Variants in KCNQ2 observed in about 807,000 individuals in gnomAD.
KCNQ2 encodes the protein potassium voltage-gated channel subfamily Q member 2.
In KCNQ2, 14 loss-of-function variants were observed where a neutral mutation model predicts 84.8. That is an observed-to-expected ratio of 0.17 (90% CI 0.11 to 0.26). The LOEUF is 0.26. Ranked by LOEUF, KCNQ2 falls within the 10% of genes least tolerant of loss-of-function variation. The pLI is 1.00. For synonymous variants in KCNQ2, 599 were observed against 554.1 expected (o/e 1.08, Z -1.14); for missense variants, 788 against 1,254.0 (o/e 0.63, Z 5.61).
In KCNQ2 at chr20:63,414,310, G is replaced by T; in HGVS notation, c.1526-117C>A. On this transcript the variant is annotated intron_variant, in intron 13 of 16. Coordinates refer to ENST00000359125, the MANE Select transcript of KCNQ2 (RefSeq NM_172107.4). This position sits in a 1 kb window ranked among gnomAD's most constrained non-coding sequence, Gnocchi z 6.6. ...AGGGAGCCCCTCGAGGCTCCCTGTG[G>T]TGCCCCTCGGGTGCACCTGCTTTTC... 2 of 739,216 alleles carry T rather than the reference G, an allele frequency of 2.7e-6. No individual in the cohort carries two copies. The highest frequency in any genetic ancestry group is 2.4e-6 in the Non-Finnish European group (1 of 421,568). The allele number at this position is 739,216 out of a possible 1,614,324, so 45.8% of individuals were successfully genotyped here. A position where few individuals can be genotyped will look rare whatever the true frequency, so the allele number is the denominator to read the frequency against.
At chr20:63,470,568 C>G (rs1236709871) in intron 1 of KCNQ2, among the ~76,000 whole-genome samples, 3 of 152,232 alleles carry the variant, frequency 2.0e-5, no homozygotes, top group East Asian at 3.9e-4. Flanking sequence ...CGGGAAACCT[C>G]AGGAACAGCC....
At chr20:63,462,516 C>T (rs185574118) in intron 1 of KCNQ2, among the ~76,000 whole-genome samples, 23 of 152,334 alleles carry the variant, frequency 1.5e-4, no homozygotes, top group Admixed American at 1.5e-3. Flanking sequence ...AGAGCCTCCT[C>T]TCCCTGCACA....
Position 63,408,234 on chromosome 20 carries a change from G to T in KCNQ2, c.1887+179C>A. 3 of 778,574 alleles carry T rather than the reference G, an allele frequency of 3.9e-6. No individual in the cohort carries two copies. Among genetic ancestry groups the T allele is most frequent in the Non-Finnish European group, 6.1e-6 (3 of 492,780 alleles). The allele number at this position is 778,574 out of a possible 1,614,324, so 48.2% of individuals were successfully genotyped here. A position where few individuals can be genotyped will look rare whatever the true frequency, so the allele number is the denominator to read the frequency against. ...AAGGCACCCAGGCCGGGGGTGGGAG[G>T]CTCACGGTGGGGTGTGAGGGGTCTG... On this transcript the variant is annotated intron_variant, in intron 16 of 16. Transcript: ENST00000359125. The surrounding 1 kb of genome is among the most constrained non-coding windows in gnomAD (Gnocchi z 5.0).
rs554261385 is a variant in KCNQ2, at chr20:63,472,613, G to T, written c.-150C>A. ...CTCCTGCCGGGCTTGGGCCGCGCGC[G>T]GAGACGCTGCGGCCACCTCGCTCCG... On this transcript the variant is annotated 5_prime_UTR_variant, in exon 1 of 17. Coordinates refer to ENST00000359125, the MANE Select transcript of KCNQ2 (RefSeq NM_172107.4). 7,625 of 517,222 alleles carry T rather than the reference G, an allele frequency of 0.015. 77 individuals are homozygous for T. The highest frequency in any genetic ancestry group is 0.022 in the Admixed American group (376 of 16,940). The allele number at this position is 517,222 out of a possible 1,614,324, so 32.0% of individuals were successfully genotyped here.
intron 7 of KCNQ2, among the ~76,000 whole-genome samples, chr20:63,436,859 C>A (rs2081025822): frequency 6.7e-6 from 1 of 149,766 alleles, no homozygotes; most frequent in African/African-American, 2.5e-5. Context: ...TCACTGCAAC[C>A]TCCGTCTCCC....
chr20:63,436,684 A>G (rs532332735), intron 7 of KCNQ2, among the ~76,000 whole-genome samples: 96 of 151,728 alleles, frequency 6.3e-4, no homozygotes, highest in African/African-American at 2.3e-3. Flanking sequence ...GCAATTAAGT[A>G]TTTGTAAGTG....
At chr20:63,443,107 AC>A (rs1207986565) in intron 4 of KCNQ2, among the ~76,000 whole-genome samples, 1 of 101,158 alleles carries the variant, frequency 9.9e-6, no homozygotes, top group African/African-American at 3.8e-5. Context: ...CATCACCATC[AC>A]CACCACCACT....
rs1402049640 is a variant in KCNQ2 at position 63,407,205 on chromosome 20, A to G, written c.2058T>C (p.Ile686=). The G allele has an allele frequency of 3.1e-6, 5 of 1,605,780 alleles. No homozygotes were observed. Among genetic ancestry groups the G allele is most frequent in the Non-Finnish European group, 4.2e-6 (5 of 1,179,582 alleles). Residue 686 remains isoleucine, a synonymous_variant, in exon 17 of 17, where the codon ATT becomes ATC. Coordinates refer to ENST00000359125, the MANE Select transcript of KCNQ2 (RefSeq NM_172107.4). The surrounding 1 kb of genome is among the most constrained non-coding windows in gnomAD (Gnocchi z 7.2). The part of the protein sequence containing the change: ...SREHVDRHGC[I]VKIVRSSSST... ...AGCTGCTGGAGCGCACGATCTTGAC[A>G]ATGCAGCCGTGCCTGTCGACATGCT...
chr20:63,442,270 C>T, intron 5 of KCNQ2, 136 bp downstream of exon 5: 1 of 1,307,738 alleles, frequency 7.6e-7, no homozygotes. Flanking sequence ...GACCACAAGC[C>T]ATCATGACCA....
chr20:63,472,365 G>T lies in KCNQ2; in HGVS notation c.99C>A (p.Asp33Glu). 1 of 1,535,040 alleles carries T rather than the reference G, an allele frequency of 6.5e-7. No individual in the cohort carries two copies. Residue 33 changes from aspartate (D) to glutamate (E), a missense_variant, in exon 1 of 17, where the codon GAC (aspartate) becomes GAA (glutamate). Transcript: ENST00000359125. ...GFVGLDPGAP[D>E]STRDGALLIA... ...TCAGCAGCGCCCCGTCCCGGGTGGA[G>T]TCGGGCGCGCCGGGGTCCAGCCCCA...
At chr20:63,442,655 ACC>A in intron 4 of KCNQ2, 124 bp from the exon 5 acceptor site, 2 of 745,022 alleles carry the variant, frequency 2.7e-6, no homozygotes, top group Admixed American at 2.2e-5. Context: ...AACCATCACC[ACC>A]ACCATCACCA....
At chr20:63,452,794 C>G (rs1192166401) in intron 1 of KCNQ2, among the ~76,000 whole-genome samples, 2 of 152,106 alleles carry the variant, frequency 1.3e-5, no homozygotes, top group African/African-American at 4.8e-5. Context: ...ACCAGCTGGC[C>G]TGCAGCCACA....
At position 63,403,764 on chromosome 20, in the gene KCNQ2, C is replaced by T. The variant is rs1212677979; in HGVS notation, c.*2880G>A. ...CTGTATGCGGACATGTATGTGAGCA[C>T]GTGTGTGTGCCAGTGGGCACGTAGG... On this transcript the variant is annotated 3_prime_UTR_variant, in exon 17 of 17. Coordinates refer to ENST00000359125, the MANE Select transcript of KCNQ2 (RefSeq NM_172107.4). The T allele has an allele frequency of 2.0e-5, 3 of 152,406 alleles. No individual in the cohort carries two copies. The highest frequency in any genetic ancestry group is 1.9e-4 in the East Asian group (1 of 5,186). The allele number at this position is 152,406 out of a possible 1,614,324, so 9.4% of individuals were successfully genotyped here.
intron 5 of KCNQ2, among the ~76,000 whole-genome samples, chr20:63,441,258 T>C (rs898769562): frequency 5.3e-5 from 8 of 149,716 alleles, no homozygotes; most frequent in African/African-American, 2.0e-4. Context: ...AAAGGGAAAC[T>C]GGGGGTAGAT....
chr20:63,431,318 C>A (rs372243359), intron 9 of KCNQ2, 22 bp downstream of exon 9: 3 of 1,613,260 alleles, frequency 1.9e-6, no homozygotes, highest in African/African-American at 1.3e-5. Flanking sequence ...ACACACAGGG[C>A]TTCTGTCCAT....
At position 63,425,965 on chromosome 20, in the gene KCNQ2, T is replaced by G. The variant is rs1226559496; in HGVS notation, c.1218-1759A>C. Among the ~76,000 whole-genome samples the G allele has an allele frequency of 6.6e-6, 1 of 152,098 alleles. No individual in the cohort carries two copies. The highest frequency in any genetic ancestry group is 1.5e-5 in the Non-Finnish European group (1 of 68,008). Reference sequence around the variant, plus strand: ...GGGCCGCCGGCCACCACGTTTCCAATCCGGCGGGGCAAACTCCACGTGGCA... The same window carrying G: ...GGGCCGCCGGCCACCACGTTTCCAAGCCGGCGGGGCAAACTCCACGTGGCA... On this transcript the variant is annotated intron_variant, in intron 10 of 16. Coordinates refer to ENST00000359125, the MANE Select transcript of KCNQ2 (RefSeq NM_172107.4). This position sits in a 1 kb window ranked among gnomAD's most constrained non-coding sequence, Gnocchi z 5.5.
rs561029819 is a variant in KCNQ2 at position 63,419,795 on chromosome 20, G to A, written c.1248-123C>T. 235 of 859,118 alleles carry A rather than the reference G, an allele frequency of 2.7e-4. No homozygotes were observed. In the East Asian group the frequency reaches 5.8e-3, roughly 21 times the overall value. The allele number at this position is 859,118 out of a possible 1,614,324, so 53.2% of individuals were successfully genotyped here. On this transcript the variant is annotated intron_variant, in intron 11 of 16. Coordinates refer to ENST00000359125, the MANE Select transcript of KCNQ2 (RefSeq NM_172107.4). Reference sequence around the variant, plus strand: ...TGCAGTCCCCAGCGGCAGAGCTTGCGCCCAAGCAAGGCCAGCGAGGAAGGT... The same window carrying A: ...TGCAGTCCCCAGCGGCAGAGCTTGCACCCAAGCAAGGCCAGCGAGGAAGGT...
In KCNQ2 at chr20:63,441,309, A is replaced by T. The variant is rs914272741; in HGVS notation, c.816+1097T>A. 6.0e-4 allele frequency among the ~76,000 whole-genome samples: 91 copies of T among 151,260 alleles called. 1 individual carries two copies. The highest frequency in any genetic ancestry group is 2.0e-3 in the African/African-American group (82 of 41,100). ...GGTACACAGTCAGCGCGTTTGAATC[A>T]GGAAATACCAGCATCCCTATTTGCT... On this transcript the variant is annotated intron_variant, in intron 5 of 16. Transcript: ENST00000359125.
chr20:63,442,899 TCAC>T (rs760611957), intron 4 of KCNQ2, among the ~76,000 whole-genome samples: 4 of 21,552 alleles, frequency 1.9e-4, no homozygotes, highest in African/African-American at 4.9e-4. Context: ...ATCACCACCA[TCAC>T]CACCACCATC....
Sources: gnomAD v4.1 joint callset for allele counts (sites outside exome capture counted in the v4.1 genomes callset) on GRCh38, gnomAD v4.1.1 for gene constraint, Gnocchi (gnomAD v3.1) non-coding constraint, MANE v1.5 for transcripts, NCBI Gene and HGNC (gene_info 2026-07-23, HGNC 2026-07-21) for gene names.